The following PRICKLE2 variants were observed in gnomAD, a reference collection of about 807,000 sequenced individuals.
PRICKLE2 encodes the protein prickle-like protein 2.
A neutral mutation model predicts 81.4 loss-of-function variants in PRICKLE2; 21 were observed. That is an observed-to-expected ratio of 0.26 (90% CI 0.18 to 0.37). PRICKLE2 has a LOEUF of 0.37. Ranked by LOEUF, PRICKLE2 falls within the 10% of genes least tolerant of loss-of-function variation. The pLI is 1.00. For synonymous variants in PRICKLE2, 456 were observed against 421.5 expected, an observed-to-expected ratio of 1.08 and a Z score of -1.00; for missense variants, 940 against 1,109.0, an observed-to-expected ratio of 0.85 and a Z score of 2.16.
rs776385902 is a variant in PRICKLE2 at position 64,153,216 on chromosome 3, A to G, written c.753T>C (p.Tyr251=). Reference sequence around the variant, plus strand: ...GGGCACAGGTGTCACAATATTCTGCATACAAGGACTCGAAGCAGTGGCAAC... The same window carrying G: ...GGGCACAGGTGTCACAATATTCTGCGTACAAGGACTCGAAGCAGTGGCAAC... The part of the protein sequence containing the change: ...PYCCHCFESL[Y]AEYCDTCAQH... Residue 251 remains tyrosine (Y), a synonymous_variant, in exon 6 of 8, where the codon TAT becomes TAC. Coordinates refer to ENST00000638394, the MANE Select transcript of PRICKLE2 (RefSeq NM_198859.4). 3.7e-6 allele frequency: 6 copies of G among 1,614,116 alleles called. No homozygotes were observed. The Admixed American group carries it at 1.0e-4, about 27-fold the overall frequency.
intron 2 of PRICKLE2, among the ~76,000 whole-genome samples, chr3:64,242,610 G>C (rs1311579733): frequency 6.6e-6 from 1 of 152,254 alleles, no homozygotes; most frequent in Non-Finnish European, 1.5e-5. Flanking sequence ...GTCCACTTCA[G>C]TGGACGACTT....
intron 7 of PRICKLE2, among the ~76,000 whole-genome samples, chr3:64,141,145 G>T (rs1287538690): frequency 6.6e-6 from 1 of 152,168 alleles, no homozygotes; most frequent in Non-Finnish European, 1.5e-5. Context: ...ATAGCCAGTG[G>T]TCTATTATGA....
At chr3:64,169,482 G>A (rs2077894189) in intron 2 of PRICKLE2, among the ~76,000 whole-genome samples, 1 of 152,146 alleles carries the variant, frequency 6.6e-6, no homozygotes. Context: ...TACAGCAGTG[G>A]TTTTCAAACA....
chr3:64,176,492 C>G (rs1434019462), intron 2 of PRICKLE2, among the ~76,000 whole-genome samples: 2 of 152,054 alleles, frequency 1.3e-5, no homozygotes, highest in East Asian at 3.9e-4. Context: ...GTTTAGAAAG[C>G]AAAGACAGAA....
rs2079011569 is a variant in PRICKLE2 at position 64,225,003 on chromosome 3, G to A, written c.-134C>T. 1.4e-5 allele frequency: 14 copies of A among 985,418 alleles called. No individual in the cohort carries two copies. The highest frequency in any genetic ancestry group is 1.7e-5 in the Non-Finnish European group (14 of 830,014). The allele number at this position is 985,418 out of a possible 1,614,324, so 61.0% of individuals were successfully genotyped here. ...CCCAGTTCACTTTCTCCCTGGATCT[G>A]ACTTCTAAGAACGCAAGCAGGACCT... On this transcript the variant is annotated 5_prime_UTR_variant, in exon 1 of 8. Coordinates refer to ENST00000638394, the MANE Select transcript of PRICKLE2 (RefSeq NM_198859.4).
chr3:64,110,816 G>A (rs1398346477), intron 7 of PRICKLE2, among the ~76,000 whole-genome samples: 2 of 152,054 alleles, frequency 1.3e-5, no homozygotes, highest in Non-Finnish European at 2.9e-5. Context: ...GGAGCCACAC[G>A]GAGGTTCTTC....
intron 2 of PRICKLE2, 80 bp downstream of exon 2, chr3:64,198,704 T>G (rs1192839703): frequency 4.8e-6 from 7 of 1,456,964 alleles, no homozygotes; most frequent in African/African-American, 1.4e-5. Flanking sequence ...CTACTCTTCC[T>G]ACAGAACTGG....
intron 1 of PRICKLE2, among the ~76,000 whole-genome samples, chr3:64,223,249 C>G (rs2078983317): frequency 1.3e-5 from 2 of 152,212 alleles, no homozygotes; most frequent in Admixed American, 1.3e-4. Context: ...TGAATATTTA[C>G]TATGTGGCTG....
chr3:64,124,889 G>C (rs2077083853), intron 7 of PRICKLE2, among the ~76,000 whole-genome samples: 2 of 152,136 alleles, frequency 1.3e-5, no homozygotes, highest in Non-Finnish European at 2.9e-5. Context: ...ATGGATCAAG[G>C]AATGATTTCA....
At chr3:64,216,244 G>GTCACCC (rs2078870137) in intron 1 of PRICKLE2, among the ~76,000 whole-genome samples, 1 of 152,196 alleles carries the variant, frequency 6.6e-6, no homozygotes, top group Non-Finnish European at 1.5e-5. Context: ...CCTTTCGGGT[G>GTCACCC]ACTTGATGCC....
chr3:64,094,574 T>C lies in PRICKLE2; in HGVS notation c.*4477A>G, dbSNP rs2076544077. On this transcript the variant is annotated 3_prime_UTR_variant, in exon 8 of 8. Transcript: ENST00000638394. The stretch of plus-strand genomic sequence containing the variant: ...AGCAGGAAGTAAGCTTATAAAATAG[T>C]ATGGCTCCCAATAGTGAGTCATATT... 1 of 152,256 alleles carries C rather than the reference T, an allele frequency of 6.6e-6. No individual in the cohort carries two copies. Among genetic ancestry groups the C allele is most frequent in the Admixed American group, 6.5e-5 (1 of 15,288 alleles). The allele number at this position is 152,256 out of a possible 1,614,324, so 9.4% of individuals were successfully genotyped here.
intron 2 of PRICKLE2, among the ~76,000 whole-genome samples, chr3:64,244,008 G>C (rs915176324): frequency 1.3e-5 from 2 of 152,140 alleles, no homozygotes; most frequent in Admixed American, 6.6e-5. Context: ...TTATGGAATA[G>C]GAAAAGTTGC....
chr3:64,152,973 C>T (rs768479032), intron 6 of PRICKLE2, among the ~76,000 whole-genome samples: 8 of 152,144 alleles, frequency 5.3e-5, no homozygotes, highest in Non-Finnish European at 1.0e-4. Flanking sequence ...AGAAAAAAAT[C>T]GGTTTTGTCT....
At chr3:64,163,958 A>AGCC (rs1459831199) in intron 2 of PRICKLE2, 2 of 150,774 alleles carry the variant, frequency 1.3e-5, no homozygotes, top group East Asian at 1.9e-4. Flanking sequence ...AAATCCCACA[A>AGCC]GCCCAGATGA....
At chr3:64,223,069 A>G (rs1389237442) in intron 1 of PRICKLE2, among the ~76,000 whole-genome samples, 1 of 152,250 alleles carries the variant, frequency 6.6e-6, no homozygotes, top group East Asian at 1.9e-4. Flanking sequence ...TCATTTGGAT[A>G]TAACAGTACC....
chr3:64,223,940 TCA>T (rs1268650741), intron 1 of PRICKLE2, among the ~76,000 whole-genome samples: 10 of 152,176 alleles, frequency 6.6e-5, no homozygotes, highest in African/African-American at 2.4e-4. Flanking sequence ...GCAAAGCAAA[TCA>T]CAGCCTTACC....
chr3:64,258,845 A>AAGAAAGAAAGAAAAGAAAGAAAGAAAG (rs2079569796), intron 2 of PRICKLE2, among the ~76,000 whole-genome samples: 2 of 34,008 alleles, frequency 5.9e-5, no homozygotes, highest in Admixed American at 4.7e-4. Context: ...AAAAAAAAAA[A>AAGAAAGAAAGAAAAGAAAGAAAGAAAG]AAAGAAAGAA....
intron 2 of PRICKLE2, among the ~76,000 whole-genome samples, chr3:64,231,799 C>T (rs1176369362): frequency 2.0e-5 from 3 of 152,292 alleles, no homozygotes; most frequent in African/African-American, 7.2e-5. Context: ...CATTTATTAT[C>T]CCCTATCATA....
At chr3:64,135,640 G>A (rs2077265992) in intron 7 of PRICKLE2, among the ~76,000 whole-genome samples, 1 of 151,896 alleles carries the variant, frequency 6.6e-6, no homozygotes, top group Admixed American at 6.6e-5. Context: ...TTTGATTTGG[G>A]GTGGGCAGGC....
Sources: allele counts gnomAD v4.1 joint callset (sites outside exome capture counted in the v4.1 genomes callset), GRCh38; gene constraint gnomAD v4.1.1; transcripts MANE v1.5; gene names NCBI Gene and HGNC (gene_info 2026-07-23, HGNC 2026-07-21).